COL6A6: variants seen among roughly 807,000 people sequenced by gnomAD.
The protein encoded by COL6A6 is collagen type VI alpha 6 chain, also known as collagen alpha-6(VI) chain.
Under a neutral mutation model 208.6 loss-of-function variants are expected in COL6A6, and 183 were observed. The observed-to-expected ratio is 0.88, with a 90% confidence interval of 0.78 to 0.99. The LOEUF (loss-of-function observed/expected upper bound fraction) is 0.99, where lower values mean the gene tolerates loss of function less well. Among genes scored for constraint, COL6A6 ranks in the 50% least tolerant of loss-of-function variants. COL6A6 has a pLI of 0.00. For synonymous variants in COL6A6, 973 were observed against 1,011.8 expected (o/e 0.96, Z 0.73); for missense variants, 2,816 against 2,815.2 (o/e 1.00, Z -0.01).
At chr3:130,605,809 A>T (rs1341891458) in intron 20 of COL6A6, among the ~76,000 whole-genome samples, 1 of 152,210 alleles carries the variant, frequency 6.6e-6, no homozygotes, top group Non-Finnish European at 1.5e-5. Context: ...CCCCACAATC[A>T]TGGTAAAAGG....
chr3:130,574,745 G>T (rs551374804), intron 8 of COL6A6, among the ~76,000 whole-genome samples: 2 of 152,296 alleles, frequency 1.3e-5, no homozygotes, highest in East Asian at 3.9e-4. Context: ...TGTCTCCTGG[G>T]GGAGCATGCC....
intron 31 of COL6A6, among the ~76,000 whole-genome samples, chr3:130,643,595 A>G (rs557123322): frequency 6.6e-6 from 1 of 152,340 alleles, no homozygotes; most frequent in East Asian, 1.9e-4. Context: ...TGATTTGGCA[A>G]ATGCTGATTA....
At position 130,586,453 on chromosome 3, in the gene COL6A6, A is replaced by T. The variant is rs1320243023; in HGVS notation, c.3971-53A>T. On this transcript the variant is annotated intron_variant, in intron 10 of 36. Transcript: ENST00000358511. ...AACAATTTAAATATGCTTGCAAAAA[A>T]CTAAAGTAACCAAACCCACCTCACC... The T allele has an allele frequency of 7.2e-6, 11 of 1,527,348 alleles. No homozygotes were observed. The East Asian group carries it at 2.3e-4, about 32-fold the overall frequency. The allele number at this position is 1,527,348 out of a possible 1,614,324, so 94.6% of individuals were successfully genotyped here.
At chr3:130,609,814 A>G (rs1225428727) in intron 22 of COL6A6, among the ~76,000 whole-genome samples, 1 of 152,172 alleles carries the variant, frequency 6.6e-6, no homozygotes, top group East Asian at 1.9e-4. Context: ...TGGGCAACAT[A>G]TCCTTAAACA....
At chr3:130,571,835 A>G (rs1232191839) in intron 7 of COL6A6, among the ~76,000 whole-genome samples, 2 of 128,628 alleles carry the variant, frequency 1.6e-5, no homozygotes, top group African/African-American at 3.0e-5. Context: ...GGCATGAGGC[A>G]TGGCTAATTT....
chr3:130,590,036 G>A (rs1464153201), intron 12 of COL6A6: 3 of 448,472 alleles, frequency 6.7e-6, no homozygotes, highest in Admixed American at 2.4e-5. Context: ...TGGAAAGAAA[G>A]GTGTGTGGTC....
At chr3:130,543,440 ATCTT>A (rs1559968320) in intron 1 of COL6A6, among the ~76,000 whole-genome samples, 1 of 151,868 alleles carries the variant, frequency 6.6e-6, no homozygotes, top group Non-Finnish European at 1.5e-5. Flanking sequence ...TTCTTTGTCT[ATCTT>A]TTGTGGTTTT....
intron 1 of COL6A6, among the ~76,000 whole-genome samples, chr3:130,518,518 T>C (rs1019142542): frequency 7.4e-6 from 1 of 134,604 alleles, no homozygotes; most frequent in African/African-American, 3.0e-5. Flanking sequence ...AATTTCTCCT[T>C]TTTTTTGAGA....
intron 10 of COL6A6, among the ~76,000 whole-genome samples, chr3:130,585,772 C>G (rs541734225): frequency 6.6e-6 from 1 of 152,098 alleles, no homozygotes. Context: ...CTTATCAGAT[C>G]GTACAGAGCT....
At position 130,568,524 on chromosome 3, in the gene COL6A6, T is replaced by C. The variant is rs966503329; in HGVS notation, c.2321T>C (p.Met774Thr). ...QLEEISGRPE[M>T]VFYVENFDIL... Reference sequence around the variant, plus strand: ...GAGGAGATCAGTGGGAGGCCCGAGATGGTTTTTTATGTTGAGAATTTTGAC... The same window carrying C: ...GAGGAGATCAGTGGGAGGCCCGAGACGGTTTTTTATGTTGAGAATTTTGAC... The change falls in exon 6 of 37, where the codon ATG becomes ACG. Residue 774 changes from methionine (M) to threonine (T), a missense_variant. Transcript: ENST00000358511. 12 of 1,612,596 alleles carry C rather than the reference T, an allele frequency of 7.4e-6. No homozygotes were observed. The highest frequency in any genetic ancestry group is 1.0e-5 in the Non-Finnish European group (12 of 1,179,896).
At chr3:130,565,958 C>G (rs891157381) in intron 4 of COL6A6, among the ~76,000 whole-genome samples, 1 of 151,966 alleles carries the variant, frequency 6.6e-6, no homozygotes, top group Non-Finnish European at 1.5e-5. Flanking sequence ...CCCTTTATTT[C>G]TTTATTCTTT....
In COL6A6 at chr3:130,560,465, A is replaced by T. The variant is rs753680664; in HGVS notation, c.64+37A>T. On this transcript the variant is annotated intron_variant, in intron 2 of 36. Coordinates refer to ENST00000358511, the MANE Select transcript of COL6A6 (RefSeq NM_001102608.3). ...CTGGAAAGAATTCTTAATTTTGATT[A>T]TAGAAAATAGATAATACATGAGTTT... 7 of 1,536,102 alleles carry T rather than the reference A, an allele frequency of 4.6e-6. No homozygotes were observed. In the Admixed American group the frequency reaches 1.2e-4, roughly 26 times the overall value.
rs67080729 is a variant in COL6A6, at chr3:130,571,842, A to ATTTTT, written c.2977+466_2977+470dup. On this transcript the variant is annotated intron_variant, in intron 7 of 36. Transcript: ENST00000358511. Reference sequence around the variant, plus strand: ...AGATGTGTGGCATGAGGCATGGCTAATTTTTTTTTTTTTTTTTTTTTGTGA... The same window carrying ATTTTT: ...AGATGTGTGGCATGAGGCATGGCTAATTTTTTTTTTTTTTTTTTTTTTTTTTGTGA... Among the ~76,000 whole-genome samples, 111 of 110,814 alleles carry ATTTTT rather than the reference A, an allele frequency of 1.0e-3. 1 individual carries two copies. The highest frequency in any genetic ancestry group is 3.9e-3 in the African/African-American group (101 of 26,080). The allele number at this position is 110,814 out of a possible 152,430, so 72.7% of individuals were successfully genotyped here.
At chr3:130,670,970 G>GAC (rs1302668335) in intron 36 of COL6A6, among the ~76,000 whole-genome samples, 1 of 152,160 alleles carries the variant, frequency 6.6e-6, no homozygotes, top group Non-Finnish European at 1.5e-5. Flanking sequence ...CAAGAGACTG[G>GAC]ACACCCCTCT....
At chr3:130,621,957 A>G in intron 24 of COL6A6, 74 bp downstream of exon 24, 1 of 1,292,876 alleles carries the variant, frequency 7.7e-7, no homozygotes. Context: ...TGTATTAGCC[A>G]GGGCCCTTTC....
chr3:130,574,293 G>A lies in COL6A6; in HGVS notation c.3315G>A (p.Val1105=). Residue 1105 remains valine (V), a synonymous_variant, in exon 8 of 37, where the codon GTG becomes GTA. Coordinates refer to ENST00000358511, the MANE Select transcript of COL6A6 (RefSeq NM_001102608.3). ...GGATAAATACAGGTACCCCACAGGT[G>A]CTGCTGGTCCTTACAGATGGCCAGT... ...GSRINTGTPQ[V]LLVLTDGQSQ... 2.5e-6 allele frequency: 4 copies of A among 1,614,024 alleles called. No homozygotes were observed. Among genetic ancestry groups the A allele is most frequent in the Non-Finnish European group, 3.4e-6 (4 of 1,179,908 alleles).
At chr3:130,584,047 T>C (rs565516713) in intron 10 of COL6A6, among the ~76,000 whole-genome samples, 2 of 152,324 alleles carry the variant, frequency 1.3e-5, no homozygotes, top group African/African-American at 4.8e-5. Context: ...ATTAATTTTT[T>C]AGAATTGAAT....
chr3:130,644,866 C>G (rs759565993), intron 31 of COL6A6, 125 bp from the exon 32 acceptor site: 3 of 835,188 alleles, frequency 3.6e-6, no homozygotes, highest in Non-Finnish European at 6.2e-6. Context: ...TCTCCAAACT[C>G]TGTTGCCTTG....
intron 18 of COL6A6, among the ~76,000 whole-genome samples, chr3:130,597,850 G>A (rs933588099): frequency 6.6e-6 from 1 of 152,188 alleles, no homozygotes; most frequent in Non-Finnish European, 1.5e-5. Context: ...TGTCCAGGAA[G>A]AGAAAGAGGG....
Sources: allele counts gnomAD v4.1 joint callset (sites outside exome capture counted in the v4.1 genomes callset), GRCh38; gene constraint gnomAD v4.1.1; transcripts MANE v1.5; gene names NCBI Gene and HGNC (gene_info 2026-07-23, HGNC 2026-07-21).